Variants in XPC observed in about 807,000 individuals in gnomAD.
The protein encoded by XPC is DNA repair protein complementing XP-C cells.
In XPC, 76 loss-of-function variants were observed where a neutral mutation model predicts 95.8. That is an observed-to-expected ratio of 0.79 (90% CI 0.66 to 0.96). The LOEUF is 0.96. Ranked by LOEUF, XPC falls within the 40% of genes least tolerant of loss-of-function variation. XPC has a pLI of 0.00. For missense variants in XPC, 1,146 were observed against 1,179.8 expected, an observed-to-expected ratio of 0.97 and a Z score of 0.42; for synonymous variants, 442 against 442.1, an observed-to-expected ratio of 1.00 and a Z score of 0.00.
chr3:14,150,460 T>C (rs1463727534), intron 11 of XPC, among the ~76,000 whole-genome samples: 1 of 152,190 alleles, frequency 6.6e-6, no homozygotes, highest in Admixed American at 6.5e-5. Context: ...GGGCGCACCC[T>C]CTCTGTCACC....
At chr3:14,156,179 C>T (rs920022558) in intron 10 of XPC, among the ~76,000 whole-genome samples, 156 bp downstream of exon 10, 3 of 152,134 alleles carry the variant, frequency 2.0e-5, no homozygotes, top group African/African-American at 7.2e-5. Flanking sequence ...TTTCTTCTCT[C>T]CTACACATCA....
At chr3:14,172,189 T>G (rs990045436) in intron 2 of XPC, among the ~76,000 whole-genome samples, 1 of 152,172 alleles carries the variant, frequency 6.6e-6, no homozygotes, top group African/African-American at 2.4e-5. Flanking sequence ...TAAAAGGGCC[T>G]GCAATGGATG....
At position 14,158,523 on chromosome 3, in the gene XPC, C is replaced by A; in HGVS notation, c.1360G>T (p.Asp454Tyr). 1 of 1,612,952 alleles carries A rather than the reference C, an allele frequency of 6.2e-7. No individual in the cohort carries two copies. Among genetic ancestry groups the A allele is most frequent in the Non-Finnish European group, 8.5e-7 (1 of 1,179,404 alleles). The change falls in exon 9 of 16, where the codon GAT (aspartate) becomes TAT (tyrosine). Residue 454 changes from aspartate to tyrosine, a missense_variant. Physicochemically the swap from Asp to Tyr is radical, Grantham distance 160. Coordinates refer to ENST00000285021, the MANE Select transcript of XPC (RefSeq NM_004628.5). The surrounding 1 kb of genome is among the most constrained non-coding windows in gnomAD (Gnocchi z 5.2). ...GGTTCGGAATCCTCATCAGAGGGAT[C>A]AGAGGCTTCTCCACTGGAGAGCTCA... is the stretch of plus-strand genomic sequence containing the variant. ...DFELSSGEASDPSDEDSEPGP... is the reference protein window; with the variant it reads ...DFELSSGEASYPSDEDSEPGP...
intron 10 of XPC, 76 bp downstream of exon 10, chr3:14,156,259 A>G: frequency 1.3e-6 from 2 of 1,530,328 alleles, no homozygotes; most frequent in Non-Finnish European, 1.8e-6. Flanking sequence ...CCCATCAGCA[A>G]CCCTTGCCTA....
chr3:14,172,636 T>C (rs922159198), intron 2 of XPC, among the ~76,000 whole-genome samples: 2 of 152,242 alleles, frequency 1.3e-5, no homozygotes, highest in East Asian at 3.8e-4. Flanking sequence ...TGGGTTCTCC[T>C]GCTTTTGCCA....
rs898025788 is a variant in XPC at position 14,158,134 on chromosome 3, C to G, written c.1749G>C (p.Gln583His). 18 of 1,613,886 alleles carry G rather than the reference C, an allele frequency of 1.1e-5. No homozygotes were observed. Among genetic ancestry groups the G allele is most frequent in the South Asian group, 2.2e-5 (2 of 91,092 alleles). ...DSDGWVRDVT[Q>H]RYDPVWMTVT... is the part of the protein sequence containing the mutation. ...CTGTCATCCAGACTGGGTCGTACCT[C>G]TGTGTGACATCTCGGACCCAGCCGT... The change falls in exon 9 of 16, where the codon CAG (glutamine) becomes CAC (histidine). Residue 583 changes from glutamine to histidine, a missense_variant. Gln to His is a conservative substitution (Grantham distance 24). Transcript: ENST00000285021. This position sits in a 1 kb window ranked among gnomAD's most constrained non-coding sequence, Gnocchi z 5.2.
At chr3:14,162,630 T>A (rs1458964201) in intron 7 of XPC, among the ~76,000 whole-genome samples, 2 of 152,146 alleles carry the variant, frequency 1.3e-5, no homozygotes, top group African/African-American at 4.8e-5. Context: ...AAATATTAAC[T>A]CACAACGTAT....
chr3:14,165,347 T>G (rs1696332176), intron 6 of XPC, 81 bp downstream of exon 6: 3 of 1,476,254 alleles, frequency 2.0e-6, no homozygotes, highest in Non-Finnish European at 2.7e-6. Flanking sequence ...GGAAGGTCTG[T>G]GGAAGTGACC....
intron 13 of XPC, 102 bp from the exon 14 acceptor site, chr3:14,148,103 G>A (rs891906717): frequency 3.3e-5 from 33 of 1,014,036 alleles, no homozygotes; most frequent in Non-Finnish European, 4.2e-5. Flanking sequence ...CTGAGCACTA[G>A]GGGTCCTGAA....
intron 13 of XPC, 154 bp from the exon 14 acceptor site, chr3:14,148,155 A>C: frequency 1.5e-6 from 1 of 655,682 alleles, no homozygotes; most frequent in Admixed American, 3.0e-5. Flanking sequence ...CTCCGTGCAG[A>C]AGGCAGGCCT....
At chr3:14,175,156 A>C (rs1294401041) in intron 1 of XPC, among the ~76,000 whole-genome samples, 5 of 152,070 alleles carry the variant, frequency 3.3e-5, no homozygotes, top group Admixed American at 3.3e-4. Context: ...CAACTGGCCA[A>C]GTTCATTCCC....
intron 9 of XPC, among the ~76,000 whole-genome samples, chr3:14,157,793 T>G (rs922562274): frequency 6.6e-6 from 1 of 152,204 alleles, no homozygotes; most frequent in Admixed American, 6.5e-5. Flanking sequence ...CACACAGACC[T>G]GGGCTCAAGC....
intron 7 of XPC, chr3:14,164,522 T>A (rs894710394): frequency 2.5e-5 from 7 of 280,036 alleles, no homozygotes; most frequent in African/African-American, 1.1e-4. Flanking sequence ...TTCTAGCACA[T>A]CTGACCAAAA....
Position 14,168,392 on chromosome 3 carries a change from C to T in XPC, c.413-12G>A. The T allele has an allele frequency of 6.2e-7, 1 of 1,613,438 alleles. No individual in the cohort carries two copies. The highest frequency in any genetic ancestry group is 2.2e-5 in the East Asian group (1 of 44,862). ...AGGCTCACTAAGTTCTATCAACAAGCATTTTTAAAAATCAGTAATAGTAAT... is the reference window on the plus strand; with the variant it reads ...AGGCTCACTAAGTTCTATCAACAAGTATTTTTAAAAATCAGTAATAGTAAT... On this transcript the variant is annotated splice_polypyrimidine_tract_variant and intron_variant, in intron 3 of 15. Transcript: ENST00000285021.
In XPC at chr3:14,165,665, C is replaced by T. The variant is rs56367607; in HGVS notation, c.622-80G>A. 28 of 1,529,520 alleles carry T rather than the reference C, an allele frequency of 1.8e-5. No individual in the cohort carries two copies. The East Asian group carries it at 5.8e-4, about 32-fold the overall frequency. The allele number at this position is 1,529,520 out of a possible 1,614,324, so 94.7% of individuals were successfully genotyped here. A position where few individuals can be genotyped will look rare whatever the true frequency, so the allele number is the denominator to read the frequency against. The stretch of plus-strand genomic sequence containing the variant: ...GGAATTTTTGCTGCCAAAGTCAAGA[C>T]ATGCTGTGGACAAGAAATATGTGTT... On this transcript the variant is annotated intron_variant, in intron 5 of 15. Coordinates refer to ENST00000285021, the MANE Select transcript of XPC (RefSeq NM_004628.5).
chr3:14,146,863 G>A (rs1277838324), intron 15 of XPC, among the ~76,000 whole-genome samples: 1 of 152,228 alleles, frequency 6.6e-6, no homozygotes, highest in Non-Finnish European at 1.5e-5. Context: ...ATTCACACCT[G>A]TGTCCAAGCC....
At position 14,158,234 on chromosome 3, in the gene XPC, C is replaced by G; in HGVS notation, c.1649G>C (p.Gly550Ala). 1 of 1,614,014 alleles carries G rather than the reference C, an allele frequency of 6.2e-7. No individual in the cohort carries two copies. The highest frequency in any genetic ancestry group is 2.2e-5 in the East Asian group (1 of 44,882). ...ACAGGTCAGAGGCTGGCCCACCACA[C>G]CGTGCACACAGTCTACACATACCCA... is the stretch of plus-strand genomic sequence containing the variant. ...EKWVCVDCVH[G>A]VVGQPLTCYK... The change falls in exon 9 of 16, where the codon GGT becomes GCT. Residue 550 changes from glycine to alanine, a missense_variant. Physicochemically the swap from Gly to Ala is moderately conservative, Grantham distance 60. Coordinates refer to ENST00000285021, the MANE Select transcript of XPC (RefSeq NM_004628.5). The surrounding 1 kb of genome is among the most constrained non-coding windows in gnomAD (Gnocchi z 5.2).
Position 14,170,554 on chromosome 3 carries a change from T to G in XPC, c.300-4A>C. On this transcript the variant is annotated splice_region_variant and splice_polypyrimidine_tract_variant and intron_variant, in intron 2 of 15. Coordinates refer to ENST00000285021, the MANE Select transcript of XPC (RefSeq NM_004628.5). ...CTTGAGGTCACTTGGAAAGTCCCTG[T>G]GTAAAGACCACAGGAAGGAAGATGA... 10 of 1,602,510 alleles carry G rather than the reference T, an allele frequency of 6.2e-6. No individual in the cohort carries two copies. Among genetic ancestry groups the G allele is most frequent in the Non-Finnish European group, 8.5e-6 (10 of 1,172,968 alleles).
chr3:14,148,825 C>T lies in XPC; in HGVS notation c.2239G>A (p.Val747Met), dbSNP rs769574364. Residue 747 changes from valine (V) to methionine (M), a missense_variant, in exon 12 of 16, where the codon GTG becomes ATG. Val to Met is a conservative substitution (Grantham distance 21, BLOSUM62 1). Coordinates refer to ENST00000285021, the MANE Select transcript of XPC (RefSeq NM_004628.5). ...QTEEYQPPVA[V>M]DGKVPRNEFG... ...GATGCTGCCCTTACCTTCCCGTCCA[C>T]GGCCACTGGGGGCTGATACTCCTCT... 19 of 1,613,974 alleles carry T rather than the reference C, an allele frequency of 1.2e-5. No homozygotes were observed. The highest frequency in any genetic ancestry group is 7.7e-5 in the South Asian group (7 of 91,076).
Sources: gnomAD v4.1 joint callset for allele counts (sites outside exome capture counted in the v4.1 genomes callset) on GRCh38, gnomAD v4.1.1 for gene constraint, Gnocchi (gnomAD v3.1) non-coding constraint, MANE v1.5 for transcripts, NCBI Gene and HGNC (gene_info 2026-07-23, HGNC 2026-07-21) for gene names.